Variants in PMEPA1 observed in about 807,000 individuals in gnomAD.
The protein encoded by PMEPA1 is prostate transmembrane protein, androgen induced 1.
A neutral mutation model predicts 23.0 loss-of-function variants in PMEPA1; 11 were observed. The observed-to-expected ratio is 0.48, with a 90% CI of 0.30 to 0.79. The LOEUF (loss-of-function observed/expected upper bound fraction) is 0.79, where lower values mean the gene tolerates loss of function less well. Among genes scored for constraint, PMEPA1 ranks in the 30% least tolerant of loss-of-function variants. The pLI is 0.06. For missense variants in PMEPA1, 377 were observed against 390.9 expected, an observed-to-expected ratio of 0.96 and a Z score of 0.30; for synonymous variants, 204 against 166.4, an observed-to-expected ratio of 1.23 and a Z score of -1.74.
At chr20:57,690,669 C>T in intron 1 of PMEPA1, 1 of 879,034 alleles carries the variant, frequency 1.1e-6, no homozygotes, top group Non-Finnish European at 1.5e-6. Context: ...GGGCTCTGTC[C>T]TGGGAAACAC....
At position 57,652,131 on chromosome 20, in the gene PMEPA1, G is replaced by T; in HGVS notation, c.786C>A (p.His262Gln). ...PPSLLEGTRL[H>Q]HTHIAPLESA... is the part of the protein sequence containing the mutation. ...TCTCTAGGGGCGCGATGTGTGTGTGGTGGAGCCGGGTCCCCTCCAGCAAGG... is the reference window on the plus strand; with the variant it reads ...TCTCTAGGGGCGCGATGTGTGTGTGTTGGAGCCGGGTCCCCTCCAGCAAGG... Residue 262 changes from histidine to glutamine, a missense_variant, in exon 4 of 4, where the codon CAC becomes CAA. Physicochemically the swap from His to Gln is conservative, Grantham distance 24. Coordinates refer to ENST00000341744, the MANE Select transcript of PMEPA1 (RefSeq NM_020182.5). This position sits in a 1 kb window ranked among gnomAD's most constrained non-coding sequence, Gnocchi z 6.1. The T allele has an allele frequency of 6.3e-7, 1 of 1,593,746 alleles. No individual in the cohort carries two copies. The highest frequency in any genetic ancestry group is 8.5e-7 in the Non-Finnish European group (1 of 1,169,812).
intron 1 of PMEPA1, among the ~76,000 whole-genome samples, chr20:57,707,491 A>G (rs1264839833): frequency 1.3e-5 from 2 of 152,206 alleles, no homozygotes; most frequent in Non-Finnish European, 2.9e-5. Context: ...GGTTCCAGGT[A>G]TTAACCCCAA....
intron 1 of PMEPA1, among the ~76,000 whole-genome samples, chr20:57,706,642 A>G (rs1169084510): frequency 6.6e-6 from 1 of 152,146 alleles, no homozygotes; most frequent in Non-Finnish European, 1.5e-5. Context: ...GGGCTCTGAC[A>G]ATTTCCCCCA....
At chr20:57,688,737 A>G (rs975914565) in intron 1 of PMEPA1, among the ~76,000 whole-genome samples, 1 of 152,226 alleles carries the variant, frequency 6.6e-6, no homozygotes, top group Non-Finnish European at 1.5e-5. Context: ...TTGGATAGGC[A>G]AACACTAAGC....
intron 1 of PMEPA1, among the ~76,000 whole-genome samples, chr20:57,671,907 T>G (rs2071573442): frequency 1.3e-5 from 2 of 152,244 alleles, no homozygotes; most frequent in South Asian, 4.1e-4. Context: ...GGCTAAGAAC[T>G]GCTGGTCCAC....
At chr20:57,705,898 CAAAG>C (rs1181384837) in intron 1 of PMEPA1, among the ~76,000 whole-genome samples, 1 of 152,190 alleles carries the variant, frequency 6.6e-6, no homozygotes, top group Non-Finnish European at 1.5e-5. Flanking sequence ...TGCCCCCCAA[CAAAG>C]AATTACCGGG....
intron 1 of PMEPA1, among the ~76,000 whole-genome samples, chr20:57,667,063 C>CGG (rs371000475): frequency 6.6e-6 from 1 of 152,316 alleles, no homozygotes; most frequent in African/African-American, 2.4e-5. Context: ...AAGGCCTGTA[C>CGG]GGGACATGGG....
chr20:57,690,534 A>C (rs946131898), intron 1 of PMEPA1: 1 of 1,295,980 alleles, frequency 7.7e-7, no homozygotes, highest in Non-Finnish European at 1.0e-6. Context: ...GCAAAAAAGA[A>C]GGATTAATTA....
chr20:57,685,961 T>A (rs1409787513), intron 1 of PMEPA1, among the ~76,000 whole-genome samples: 1 of 152,056 alleles, frequency 6.6e-6, no homozygotes, highest in African/African-American at 2.4e-5. Context: ...TGAGTCACCC[T>A]CCCTTCCCAG....
At chr20:57,710,114 C>A (rs2072152898), upstream of PMEPA1, 1 of 858,378 alleles carries the variant, frequency 1.2e-6, no homozygotes, top group South Asian at 5.4e-5. Context: ...CACCCCCTCC[C>A]CGAGCCGGGG....
At position 57,650,347 on chromosome 20, in the gene PMEPA1, C is replaced by A. The variant is rs1301486497; in HGVS notation, c.*1706G>T. 6.6e-6 allele frequency: 1 copy of A among 152,236 alleles called. No homozygotes were observed. Among genetic ancestry groups the A allele is most frequent in the East Asian group, 1.9e-4 (1 of 5,200 alleles). The allele number at this position is 152,236 out of a possible 1,614,324, so 9.4% of individuals were successfully genotyped here. Reference sequence around the variant, plus strand: ...GGGTAGCAGCTGGGAGTCTGCTCTTCCAGCTGGGGGCCCTCCCACCCCCAT... The same window carrying A: ...GGGTAGCAGCTGGGAGTCTGCTCTTACAGCTGGGGGCCCTCCCACCCCCAT... On this transcript the variant is annotated 3_prime_UTR_variant, in exon 4 of 4. Transcript: ENST00000341744.
upstream of PMEPA1, chr20:57,710,110 C>T (rs548504282): frequency 6.3e-5 from 55 of 870,994 alleles, no homozygotes; most frequent in Admixed American, 3.3e-4. Flanking sequence ...CCCGCACCCC[C>T]TCCCCGAGCC....
At chr20:57,659,821 G>A (rs1009806413) in intron 1 of PMEPA1, 124 bp from the exon 2 acceptor site, 1 of 862,256 alleles carries the variant, frequency 1.2e-6, no homozygotes, top group Non-Finnish European at 1.8e-6. Context: ...ACTCAGGAAA[G>A]CCCCCGCCAC....
intron 1 of PMEPA1, among the ~76,000 whole-genome samples, chr20:57,696,495 C>A (rs2071944542): frequency 6.6e-6 from 1 of 152,204 alleles, no homozygotes; most frequent in African/African-American, 2.4e-5. Flanking sequence ...TTAGCTCCAC[C>A]TCCTCCATGC....
At chr20:57,675,044 C>T (rs1251326698) in intron 1 of PMEPA1, among the ~76,000 whole-genome samples, 2 of 152,126 alleles carry the variant, frequency 1.3e-5, no homozygotes, top group African/African-American at 4.8e-5. Flanking sequence ...GGGTTTCTGT[C>T]ATCTCATTTA....
chr20:57,652,918 C>A lies in PMEPA1; in HGVS notation c.318+115G>T. ...GCAAGGAGGATCCCAGCAGCAAGGGCACTGCAGAGGAGGGCGGAGGGGTGA... is the reference window on the plus strand; with the variant it reads ...GCAAGGAGGATCCCAGCAGCAAGGGAACTGCAGAGGAGGGCGGAGGGGTGA... On this transcript the variant is annotated intron_variant, in intron 3 of 3. Transcript: ENST00000341744. The surrounding 1 kb of genome is among the most constrained non-coding windows in gnomAD (Gnocchi z 6.1). The A allele has an allele frequency of 1.1e-6, 1 of 874,868 alleles. No homozygotes were observed. Among genetic ancestry groups the A allele is most frequent in the Non-Finnish European group, 1.9e-6 (1 of 538,738 alleles). 54.2% of individuals were successfully genotyped at this position (874,868 alleles called of 1,614,324 possible). A position where few individuals can be genotyped will look rare whatever the true frequency, so the allele number is the denominator to read the frequency against.
intron 1 of PMEPA1, among the ~76,000 whole-genome samples, chr20:57,692,128 G>A (rs2071890337): frequency 6.6e-6 from 1 of 152,206 alleles, no homozygotes. Context: ...CATTTACAAA[G>A]CACCCAGGAC....
intron 1 of PMEPA1, among the ~76,000 whole-genome samples, chr20:57,660,032 C>A (rs976469398): frequency 5.3e-5 from 8 of 152,188 alleles, no homozygotes; most frequent in African/African-American, 1.9e-4. Context: ...CTCAGAGCCT[C>A]CTGGAGCCGT....
At chr20:57,660,446 C>A (rs1479797405) in intron 1 of PMEPA1, among the ~76,000 whole-genome samples, 1 of 150,650 alleles carries the variant, frequency 6.6e-6, no homozygotes, top group Admixed American at 6.6e-5. Context: ...AACACGTACC[C>A]CTAACACTCC....
Sources: allele counts gnomAD v4.1 joint callset (sites outside exome capture counted in the v4.1 genomes callset), GRCh38; gene constraint gnomAD v4.1.1; non-coding constraint Gnocchi (gnomAD v3.1); transcripts MANE v1.5; gene names NCBI Gene and HGNC (gene_info 2026-07-23, HGNC 2026-07-21).